SLC5A10: variants seen among roughly 807,000 people sequenced by gnomAD.
SLC5A10 encodes the protein solute carrier family 5 member 10, also known as sodium/mannose cotransporter SLC5A10.
Under a neutral mutation model 68.9 loss-of-function variants are expected in SLC5A10, and 55 were observed. The ratio of observed to expected loss-of-function variants is 0.80; its 90% CI spans 0.64 to 1.00. The LOEUF (loss-of-function observed/expected upper bound fraction) is 1.00. Ranked by LOEUF, SLC5A10 falls within the 50% of genes least tolerant of loss-of-function variation. SLC5A10 has a pLI of 0.00. For missense variants in SLC5A10, 732 were observed against 819.3 expected (o/e 0.89, Z 1.30); for synonymous variants, 344 against 344.8 (o/e 1.00, Z 0.02).
At chr17:18,983,700 G>T (rs1050018294) in intron 9 of SLC5A10, among the ~76,000 whole-genome samples, 3 of 152,240 alleles carry the variant, frequency 2.0e-5, no homozygotes, top group Non-Finnish European at 2.9e-5. Flanking sequence ...CTCGCTCTCT[G>T]TGGAGGGTGG....
At chr17:18,967,288 C>T (rs1000198665) in intron 5 of SLC5A10, among the ~76,000 whole-genome samples, 5 of 152,118 alleles carry the variant, frequency 3.3e-5, no homozygotes, top group South Asian at 2.1e-4. Flanking sequence ...TTGCTCCTGC[C>T]GTTCCTGCAC....
intron 1 of SLC5A10, among the ~76,000 whole-genome samples, chr17:18,956,263 T>C (rs2042498722): frequency 6.6e-6 from 1 of 151,488 alleles, no homozygotes; most frequent in Non-Finnish European, 1.5e-5. Flanking sequence ...AAGCTTTGAA[T>C]GGTGAGTACA....
In SLC5A10 at chr17:18,959,216, G is replaced by C; in HGVS notation, c.265G>C (p.Ala89Pro). The C allele has an allele frequency of 2.5e-6, 4 of 1,613,382 alleles. No individual in the cohort carries two copies. Among genetic ancestry groups the C allele is most frequent in the Non-Finnish European group, 2.5e-6 (3 of 1,179,998 alleles). Residue 89 changes from alanine to proline, a missense_variant, in exon 3 of 15, where the codon GCC becomes CCC. By Grantham distance (27) the Ala-to-Pro change is conservative. Coordinates refer to ENST00000395645, the MANE Select transcript of SLC5A10 (RefSeq NM_001042450.4). The part of the protein sequence containing the change: ...LAGSGAAGGL[A>P]VAGFEWNATY... ...GGGCTCAGGCGCGGCAGGAGGTCTG[G>C]CCGTGGCAGGCTTCGAGTGGAATGT...
intron 9 of SLC5A10, among the ~76,000 whole-genome samples, chr17:18,994,061 G>C: frequency 6.6e-6 from 1 of 152,204 alleles, no homozygotes; most frequent in East Asian, 1.9e-4. Context: ...CTGGAAGGCT[G>C]TAAGTGACGC....
intron 9 of SLC5A10, among the ~76,000 whole-genome samples, chr17:18,980,570 G>A (rs1195872562): frequency 6.6e-6 from 1 of 152,174 alleles, no homozygotes; most frequent in Non-Finnish European, 1.5e-5. Context: ...GGGCCTGTGT[G>A]TTATGAGCTC....
intron 9 of SLC5A10, among the ~76,000 whole-genome samples, chr17:18,983,157 T>C (rs1045168038): frequency 1.1e-4 from 16 of 152,206 alleles, no homozygotes; most frequent in Admixed American, 3.9e-4. Flanking sequence ...ACCTGCCCAC[T>C]GTCTCCCAGT....
In SLC5A10 at chr17:19,020,426, G is replaced by A. The variant is rs140715864; in HGVS notation, c.1786G>A (p.Ala596Thr). The part of the protein sequence containing the change: ...CVNIFFYAYF[A>T] ...CAACATATTCTTTTATGCCTACTTCGCCTGACACTGCCATCCTGGACAGAA... is the reference window on the plus strand; with the variant it reads ...CAACATATTCTTTTATGCCTACTTCACCTGACACTGCCATCCTGGACAGAA... Residue 596 changes from alanine to threonine, a missense_variant, in exon 15 of 15, where the codon GCC becomes ACC. By Grantham distance (58) the Ala-to-Thr change is moderately conservative. Transcript: ENST00000395645. 14 of 1,612,016 alleles carry A rather than the reference G, an allele frequency of 8.7e-6. 1 individual carries two copies. Among genetic ancestry groups the A allele is most frequent in the South Asian group, 4.4e-5 (4 of 91,070 alleles).
At chr17:18,995,670 G>T (rs1444931703) in intron 9 of SLC5A10, among the ~76,000 whole-genome samples, 1 of 152,234 alleles carries the variant, frequency 6.6e-6, no homozygotes, top group African/African-American at 2.4e-5. Context: ...CACTTTGGGA[G>T]GCAGAGGCGG....
chr17:18,950,697 A>C, upstream of SLC5A10: 1 of 985,176 alleles, frequency 1.0e-6, no homozygotes, highest in Non-Finnish European at 1.2e-6. Flanking sequence ...TGTGAGGACT[A>C]TTAATTGTTT....
Position 18,971,540 on chromosome 17 carries a change from G to A in SLC5A10, c.846+322G>A, listed in dbSNP as rs1297168970. On this transcript the variant is annotated intron_variant, in intron 8 of 14. Coordinates refer to ENST00000395645, the MANE Select transcript of SLC5A10 (RefSeq NM_001042450.4). This position sits in a 1 kb window ranked among gnomAD's most constrained non-coding sequence, Gnocchi z 5.5. ...ATCGGTCATGGGGCGGGCATTTTGG[G>A]CCAGTCTTGGGCTGCCGGGATCCGG... The A allele has an allele frequency of 6.2e-7, 1 of 1,613,922 alleles. No individual in the cohort carries two copies. The highest frequency in any genetic ancestry group is 1.3e-5 in the African/African-American group (1 of 75,054).
intron 9 of SLC5A10, chr17:18,977,899 G>T: frequency 6.2e-7 from 1 of 1,610,740 alleles, no homozygotes; most frequent in Non-Finnish European, 8.5e-7. Context: ...GGTCACTGAG[G>T]GTTACGTAGT....
intron 10 of SLC5A10, among the ~76,000 whole-genome samples, chr17:19,014,204 CAGG>C (rs1426559619): frequency 2.6e-5 from 4 of 152,150 alleles, no homozygotes; most frequent in Non-Finnish European, 5.9e-5. Context: ...CTTAAAATTG[CAGG>C]AGTTCTTGTA....
rs750340025 is a variant in SLC5A10, at chr17:18,958,677, T to C, written c.112-5T>C. On this transcript the variant is annotated splice_polypyrimidine_tract_variant and splice_region_variant and intron_variant, in intron 1 of 14. Transcript: ENST00000395645. ...CCAACTCCTGTCCCTTTTCTCCTCT[T>C]GCAGTCCTCTTGTCGGGCCAGTAGG... 1 of 1,614,166 alleles carries C rather than the reference T, an allele frequency of 6.2e-7. No homozygotes were observed. Among genetic ancestry groups the C allele is most frequent in the Non-Finnish European group, 8.5e-7 (1 of 1,180,008 alleles).
At chr17:18,995,021 C>T (rs957418469) in intron 9 of SLC5A10, among the ~76,000 whole-genome samples, 2 of 152,088 alleles carry the variant, frequency 1.3e-5, no homozygotes, top group African/African-American at 4.8e-5. Context: ...TCCAAGTAAC[C>T]TAACTGCATC....
At chr17:18,998,470 C>A (rs1567804123) in intron 9 of SLC5A10, among the ~76,000 whole-genome samples, 2 of 152,202 alleles carry the variant, frequency 1.3e-5, no homozygotes, top group Non-Finnish European at 1.5e-5. Flanking sequence ...CTTGGTGTAA[C>A]CTTATGAAGG....
At position 18,968,922 on chromosome 17, in the gene SLC5A10, G is replaced by A. The variant is rs2042767081; in HGVS notation, c.454-130G>A. The A allele has an allele frequency of 1.6e-5, 12 of 753,244 alleles. No individual in the cohort carries two copies. The Admixed American group carries it at 2.0e-4, about 13-fold the overall frequency. The allele number at this position is 753,244 out of a possible 1,614,324, so 46.7% of individuals were successfully genotyped here. ...GGCCCCGTGATGCAGGCAGGCAGGCGAGTGGGGGTCTCCCCTCCTTATCCA... is the reference window on the plus strand; with the variant it reads ...GGCCCCGTGATGCAGGCAGGCAGGCAAGTGGGGGTCTCCCCTCCTTATCCA... On this transcript the variant is annotated intron_variant, in intron 5 of 14. Transcript: ENST00000395645. The surrounding 1 kb of genome is among the most constrained non-coding windows in gnomAD (Gnocchi z 4.1).
At chr17:19,016,471 C>T (rs1046807882) in intron 11 of SLC5A10, among the ~76,000 whole-genome samples, 3 of 152,136 alleles carry the variant, frequency 2.0e-5, no homozygotes, top group African/African-American at 7.2e-5. Context: ...CTCTGCTGCT[C>T]GGGGGTCCAG....
chr17:18,984,225 C>G (rs2043208980), intron 9 of SLC5A10, among the ~76,000 whole-genome samples: 1 of 151,492 alleles, frequency 6.6e-6, no homozygotes, highest in Admixed American at 6.6e-5. Context: ...CCCTGTAGTC[C>G]CAGCTACTGG....
Position 18,952,216 on chromosome 17 carries a change from A to G in SLC5A10, c.11A>G (p.Asn4Ser), listed in dbSNP as rs374428102. Reference protein sequence around the residue: MAANSTSDLHTPGT... With the variant: MAASSTSDLHTPGT... ...TGCGGCAGGACAGCCATGGCCGCCA[A>G]CTCCACCAGCGACCTCCACACTCCC... The change falls in exon 1 of 15, where the codon AAC becomes AGC. Residue 4 changes from asparagine to serine, a missense_variant. Coordinates refer to ENST00000395645, the MANE Select transcript of SLC5A10 (RefSeq NM_001042450.4). 3.1e-6 allele frequency: 5 copies of G among 1,612,312 alleles called. No individual in the cohort carries two copies. Among genetic ancestry groups the G allele is most frequent in the East Asian group, 2.2e-5 (1 of 44,764 alleles).
Sources: allele counts gnomAD v4.1 joint callset (sites outside exome capture counted in the v4.1 genomes callset), GRCh38; gene constraint gnomAD v4.1.1; non-coding constraint Gnocchi (gnomAD v3.1); transcripts MANE v1.5; gene names NCBI Gene and HGNC (gene_info 2026-07-23, HGNC 2026-07-21).